Variants in MIER2 observed in about 807,000 individuals in gnomAD.
The protein encoded by MIER2 is MIER family member 2.
Under a neutral mutation model 67.6 loss-of-function variants are expected in MIER2, and 30 were observed. That is an observed-to-expected ratio of 0.44 (90% CI 0.33 to 0.60). The LOEUF (loss-of-function observed/expected upper bound fraction) is 0.60. MIER2 is among the 20% of genes least tolerant of loss of function. The probability of loss-of-function intolerance (pLI) is 0.02; values close to 1 mark genes in which losing one functional copy is unlikely to be tolerated. For synonymous variants in MIER2, 372 were observed against 312.6 expected (o/e 1.19, Z -2.00); for missense variants, 702 against 745.1 (o/e 0.94, Z 0.67).
In MIER2 at chr19:306,468, G is replaced by A; in HGVS notation, c.*222C>T. The A allele has an allele frequency of 1.5e-6, 1 of 645,646 alleles. No individual in the cohort carries two copies. The allele number at this position is 645,646 out of a possible 1,614,324, so 40.0% of individuals were successfully genotyped here. A position where few individuals can be genotyped will look rare whatever the true frequency, so the allele number is the denominator to read the frequency against. On this transcript the variant is annotated 3_prime_UTR_variant, in exon 14 of 14. Transcript: ENST00000264819. Reference sequence around the variant, plus strand: ...GGCCCGGACCCGGGTGGCAGTGCCGGGCGCTGACGGCGCTGGGTGGGGCCG... The same window carrying A: ...GGCCCGGACCCGGGTGGCAGTGCCGAGCGCTGACGGCGCTGGGTGGGGCCG...
intron 1 of MIER2, among the ~76,000 whole-genome samples, chr19:341,331 T>G (rs1314994370): frequency 2.0e-5 from 3 of 152,056 alleles, no homozygotes; most frequent in African/African-American, 7.2e-5. Flanking sequence ...AACAGGGAGT[T>G]AACATATGGC....
At chr19:343,734 C>T in intron 1 of MIER2, 1 of 657,260 alleles carries the variant, frequency 1.5e-6, no homozygotes, top group Non-Finnish European at 1.9e-6. Flanking sequence ...GCCCGCCTGT[C>T]GTAACTTCTG....
chr19:307,451 C>A lies in MIER2; in HGVS notation c.1284G>T (p.Pro428=). 6.3e-7 allele frequency: 1 copy of A among 1,581,550 alleles called. No homozygotes were observed. The highest frequency in any genetic ancestry group is 1.1e-5 in the South Asian group (1 of 86,972). Residue 428 remains proline, a synonymous_variant, in exon 13 of 14, where the codon CCG becomes CCT. Transcript: ENST00000264819. ...ACTCATCCAGCTGCTGGAAGGAACA[C>A]GGCCCTGGCTCCGAGGACGGGAGTC... ...SDGLPSSEPG[P]CSFQQLDESP...
chr19:341,922 C>A (rs1368187599), intron 1 of MIER2, among the ~76,000 whole-genome samples: 1 of 152,168 alleles, frequency 6.6e-6, no homozygotes, highest in African/African-American at 2.4e-5. Flanking sequence ...CACAGACCAG[C>A]CCTTCCCCCA....
intron 7 of MIER2, among the ~76,000 whole-genome samples, chr19:314,502 G>T (rs1971148506): frequency 6.6e-6 from 1 of 152,296 alleles, no homozygotes; most frequent in Admixed American, 6.5e-5. Flanking sequence ...CAGTGCACGG[G>T]AAGAAATGTG....
At position 308,955 on chromosome 19, in the gene MIER2, TC is replaced by T. The variant is rs1317065271; in HGVS notation, c.985-31del. 1.3e-6 allele frequency: 2 copies of T among 1,583,914 alleles called. No individual in the cohort carries two copies. On this transcript the variant is annotated intron_variant, in intron 10 of 13. Coordinates refer to ENST00000264819, the MANE Select transcript of MIER2 (RefSeq NM_017550.3). This position sits in a 1 kb window ranked among gnomAD's most constrained non-coding sequence, Gnocchi z 9.1. ...GGGGAGGGGTCAGGAGCCATCTCTG[TC>T]CCCGGCTGCCCAGCCCCAGCACCTG...
At chr19:344,536 G>A (rs1321363321) in intron 1 of MIER2, 1 of 313,720 alleles carries the variant, frequency 3.2e-6, no homozygotes. Flanking sequence ...CGCCGCGCAT[G>A]CGCACTGCAG....
chr19:306,514 A>AG lies in MIER2; in HGVS notation c.*175dup, dbSNP rs1970656195. On this transcript the variant is annotated 3_prime_UTR_variant, in exon 14 of 14. Coordinates refer to ENST00000264819, the MANE Select transcript of MIER2 (RefSeq NM_017550.3). The stretch of plus-strand genomic sequence containing the variant: ...GGCCGTGGGTCCATTCTGTGTGGAC[A>AG]GGGGCAAGGGCTCACGGCCCAGCCA... 2.4e-6 allele frequency: 2 copies of AG among 847,916 alleles called. No individual in the cohort carries two copies. The highest frequency in any genetic ancestry group is 3.4e-5 in the African/African-American group (2 of 58,964). 52.5% of individuals were successfully genotyped at this position (847,916 alleles called of 1,614,324 possible).
chr19:323,891 A>G (rs1464929282), intron 7 of MIER2, among the ~76,000 whole-genome samples: 1 of 151,880 alleles, frequency 6.6e-6, no homozygotes, highest in East Asian at 1.9e-4. Context: ...CAAGACACAC[A>G]CAACCACACA....
chr19:344,713 G>A (rs1972668036), intron 1 of MIER2, 61 bp downstream of exon 1: 3 of 1,062,346 alleles, frequency 2.8e-6, no homozygotes, highest in African/African-American at 1.7e-5. Flanking sequence ...GCCGAGCCAC[G>A]GCGGCGGGGG....
chr19:327,846 G>A lies in MIER2; in HGVS notation c.369+18C>T, dbSNP rs769189806. ...CACCTTCAGCTGTGAGCCAGTTCCA[G>A]GAAGGGCCCTCACTTACTTTGTCCA... is the stretch of plus-strand genomic sequence containing the variant. On this transcript the variant is annotated intron_variant, in intron 4 of 13. Transcript: ENST00000264819. 1.5e-5 allele frequency: 24 copies of A among 1,610,656 alleles called. 1 individual carries two copies. The East Asian group carries it at 3.4e-4, about 23-fold the overall frequency.
intron 7 of MIER2, among the ~76,000 whole-genome samples, chr19:315,251 G>A (rs1048592582): frequency 3.9e-5 from 6 of 152,014 alleles, no homozygotes; most frequent in African/African-American, 1.2e-4. Flanking sequence ...TGTAATCTCC[G>A]CTACTCGGGA....
intron 1 of MIER2, among the ~76,000 whole-genome samples, chr19:341,642 A>G (rs1972509450): frequency 6.6e-6 from 1 of 151,950 alleles, no homozygotes; most frequent in Non-Finnish European, 1.5e-5. Context: ...TACTTCACTC[A>G]CTCAGAACAC....
chr19:343,656 T>C (rs1314894487), intron 1 of MIER2, among the ~76,000 whole-genome samples: 1 of 152,240 alleles, frequency 6.6e-6, no homozygotes, highest in Admixed American at 6.5e-5. Flanking sequence ...ACGAGGCGGC[T>C]GTGCCTGGCT....
At chr19:327,354 A>C in intron 4 of MIER2, 98 bp from the exon 5 acceptor site, 1 of 1,405,682 alleles carries the variant, frequency 7.1e-7, no homozygotes, top group Non-Finnish European at 9.6e-7. Context: ...GAGTGCCCTG[A>C]GGCTCACATG....
Position 307,406 on chromosome 19 carries a change from G to C in MIER2, c.1329C>G (p.Ser443=), listed in dbSNP as rs749613564. Residue 443 remains serine (S), a synonymous_variant, in exon 13 of 14, where the codon TCC becomes TCG. Coordinates refer to ENST00000264819, the MANE Select transcript of MIER2 (RefSeq NM_017550.3). ...QLDESPAVPL[S]HRPPALADPA... ...GGTCGGCCAGGGCTGGGGGCCGATG[G>C]GACAGGGGTACAGCGGGGGACTCAT... The C allele has an allele frequency of 3.7e-5, 59 of 1,606,974 alleles. No homozygotes were observed. Among genetic ancestry groups the C allele is most frequent in the Non-Finnish European group, 4.8e-5 (57 of 1,178,084 alleles).
intron 4 of MIER2, 99 bp from the exon 5 acceptor site, chr19:327,355 G>T: frequency 7.2e-7 from 1 of 1,387,496 alleles, no homozygotes; most frequent in Non-Finnish European, 9.8e-7. Context: ...AGTGCCCTGA[G>T]GCTCACATGG....
chr19:328,013 C>A, intron 3 of MIER2, 24 bp from the exon 4 acceptor site: 1 of 1,611,876 alleles, frequency 6.2e-7, no homozygotes, highest in South Asian at 1.1e-5. Context: ...GGGAACAAGG[C>A]CCCATCAGGA....
chr19:308,958 C>T lies in MIER2; in HGVS notation c.985-33G>A. The T allele has an allele frequency of 6.3e-7, 1 of 1,583,210 alleles. No homozygotes were observed. Among genetic ancestry groups the T allele is most frequent in the Non-Finnish European group, 8.6e-7 (1 of 1,158,012 alleles). On this transcript the variant is annotated intron_variant, in intron 10 of 13. Coordinates refer to ENST00000264819, the MANE Select transcript of MIER2 (RefSeq NM_017550.3). This position sits in a 1 kb window ranked among gnomAD's most constrained non-coding sequence, Gnocchi z 9.1. The stretch of plus-strand genomic sequence containing the variant: ...GAGGGGTCAGGAGCCATCTCTGTCC[C>T]CGGCTGCCCAGCCCCAGCACCTGCA...
Sources: allele counts gnomAD v4.1 joint callset (sites outside exome capture counted in the v4.1 genomes callset), GRCh38; gene constraint gnomAD v4.1.1; non-coding constraint Gnocchi (gnomAD v3.1); transcripts MANE v1.5; gene names NCBI Gene and HGNC (gene_info 2026-07-23, HGNC 2026-07-21).